Variants in CNTN5 observed in about 807,000 individuals in gnomAD.
CNTN5 encodes the protein contactin-5.
In CNTN5, 77 loss-of-function variants were observed where a neutral mutation model predicts 129.1. The observed-to-expected ratio is 0.60, with a 90% CI of 0.50 to 0.72. The LOEUF is 0.72. Among genes scored for constraint, CNTN5 ranks in the 30% least tolerant of loss-of-function variants. The pLI, the probability that CNTN5 is intolerant of heterozygous loss-of-function variation, is 0.00. For synonymous variants in CNTN5, 509 were observed against 465.6 expected (o/e 1.09, Z -1.20); for missense variants, 1,478 against 1,328.8 (o/e 1.11, Z -1.75).
At chr11:99,975,814 G>A (rs1043206341) in intron 8 of CNTN5, among the ~76,000 whole-genome samples, 6 of 151,950 alleles carry the variant, frequency 3.9e-5, no homozygotes, top group African/African-American at 7.3e-5. Context: ...ATTCTACCGC[G>A]GCCCCTCCCA....
At chr11:100,344,513 A>G (rs964145820) in intron 23 of CNTN5, among the ~76,000 whole-genome samples, 3 of 152,142 alleles carry the variant, frequency 2.0e-5, no homozygotes, top group Admixed American at 2.0e-4. Flanking sequence ...TGAGGAACAA[A>G]GAGAGCTTAA....
chr11:100,289,064 G>A (rs1205517633), intron 18 of CNTN5, among the ~76,000 whole-genome samples: 1 of 152,086 alleles, frequency 6.6e-6, no homozygotes, highest in Non-Finnish European at 1.5e-5. Context: ...GCCAGGGAGA[G>A]GTTGAATCTC....
intron 2 of CNTN5, among the ~76,000 whole-genome samples, chr11:99,379,549 A>C (rs1940398503): frequency 6.6e-6 from 1 of 152,210 alleles, no homozygotes; most frequent in African/African-American, 2.4e-5. Context: ...TGACCCAGAG[A>C]AAACACTAAC....
At chr11:99,534,449 A>G (rs1023719072) in intron 2 of CNTN5, among the ~76,000 whole-genome samples, 1 of 152,220 alleles carries the variant, frequency 6.6e-6, no homozygotes, top group Non-Finnish European at 1.5e-5. Context: ...AGCTCATAAC[A>G]TCTGATATAA....
At chr11:99,562,876 A>G (rs536698810) in intron 3 of CNTN5, among the ~76,000 whole-genome samples, 3 of 152,270 alleles carry the variant, frequency 2.0e-5, no homozygotes, top group South Asian at 2.1e-4. Flanking sequence ...AGATGTCTAC[A>G]ATACCCTTAG....
intron 15 of CNTN5, among the ~76,000 whole-genome samples, chr11:100,223,417 A>G (rs1050129490): frequency 6.6e-6 from 1 of 152,180 alleles, no homozygotes; most frequent in Admixed American, 6.5e-5. Context: ...TAAAAAGTTC[A>G]CAATGACTTT....
At chr11:99,708,557 T>C (rs552625665) in intron 3 of CNTN5, among the ~76,000 whole-genome samples, 1 of 151,868 alleles carries the variant, frequency 6.6e-6, no homozygotes, top group Non-Finnish European at 1.5e-5. Flanking sequence ...TCAAATTAGA[T>C]ATATGAAAAA....
At chr11:100,116,235 T>A (rs1945835744) in intron 13 of CNTN5, among the ~76,000 whole-genome samples, 2 of 152,060 alleles carry the variant, frequency 1.3e-5, no homozygotes, top group Non-Finnish European at 2.9e-5. Flanking sequence ...AATTCATCCA[T>A]AATTCACTCA....
chr11:99,174,704 A>C (rs1217975721), intron 1 of CNTN5, among the ~76,000 whole-genome samples: 2 of 152,108 alleles, frequency 1.3e-5, no homozygotes, highest in Admixed American at 6.5e-5. Context: ...GTTAGGCACT[A>C]TTATGCCCAT....
chr11:99,396,088 G>A (rs1219394419), intron 2 of CNTN5, among the ~76,000 whole-genome samples: 1 of 151,566 alleles, frequency 6.6e-6, no homozygotes, highest in East Asian at 1.9e-4. Flanking sequence ...AATATCAATG[G>A]TAGTTTAATA....
intron 1 of CNTN5, among the ~76,000 whole-genome samples, chr11:99,283,547 C>A (rs1366719289): frequency 2.0e-5 from 3 of 151,964 alleles, no homozygotes; most frequent in Non-Finnish European, 4.4e-5. Context: ...TTTGTCAAGC[C>A]TAAATTAAAT....
intron 17 of CNTN5, among the ~76,000 whole-genome samples, chr11:100,257,104 G>A (rs1329738155): frequency 6.6e-6 from 1 of 152,128 alleles, no homozygotes. Flanking sequence ...GGTCAGGGGA[G>A]GGGTGTCCAC....
At chr11:99,121,369 G>C (rs975324969) in intron 1 of CNTN5, among the ~76,000 whole-genome samples, 53 of 152,070 alleles carry the variant, frequency 3.5e-4, no homozygotes, top group Middle Eastern at 6.4e-3. Flanking sequence ...CTGACCTAAG[G>C]GGACCTGCCC....
chr11:99,488,296 C>G (rs951362200), intron 2 of CNTN5, among the ~76,000 whole-genome samples: 6 of 151,858 alleles, frequency 4.0e-5, no homozygotes, highest in African/African-American at 1.4e-4. Context: ...CCTCAGCCTC[C>G]TGAGTAGCTG....
intron 18 of CNTN5, among the ~76,000 whole-genome samples, chr11:100,286,902 A>C (rs1185321522): frequency 4.6e-5 from 7 of 152,056 alleles, no homozygotes; most frequent in Non-Finnish European, 7.4e-5. Context: ...AATACAGAGA[A>C]GTGCTTAAAG....
chr11:99,602,652 TAA>T (rs915573276), intron 3 of CNTN5, among the ~76,000 whole-genome samples: 10 of 144,420 alleles, frequency 6.9e-5, no homozygotes, highest in Non-Finnish European at 9.2e-5. Context: ...TTGTGCAATG[TAA>T]AAAAAAAAAA....
At chr11:100,288,448 A>C (rs927473424) in intron 18 of CNTN5, among the ~76,000 whole-genome samples, 2 of 152,252 alleles carry the variant, frequency 1.3e-5, no homozygotes, top group African/African-American at 4.8e-5. Context: ...ACTCAGGATT[A>C]AGAACCTCAC....
chr11:99,844,785 AAG>A lies in CNTN5; in HGVS notation c.278-65_278-64del. 3 of 1,488,088 alleles carry A rather than the reference AAG, an allele frequency of 2.0e-6. No homozygotes were observed. In the Admixed American group the frequency reaches 6.3e-5, roughly 31 times the overall value. 92.2% of individuals were successfully genotyped at this position (1,488,088 alleles called of 1,614,324 possible). On this transcript the variant is annotated intron_variant, in intron 4 of 24. Coordinates refer to ENST00000524871, the MANE Select transcript of CNTN5 (RefSeq NM_014361.4). ...AATTTTGAATATAAGTAAGATGGAAAAGAAAAAAACACAAAATATCTTGCTAG... is the reference window on the plus strand; with the variant it reads ...AATTTTGAATATAAGTAAGATGGAAAAAAAAAACACAAAATATCTTGCTAG...
intron 11 of CNTN5, among the ~76,000 whole-genome samples, chr11:100,071,044 A>G (rs554722582): frequency 1.3e-5 from 2 of 152,294 alleles, no homozygotes; most frequent in African/African-American, 4.8e-5. Flanking sequence ...TGGAGGTTTA[A>G]CAACATTTAA....
Sources: gnomAD v4.1 joint callset for allele counts (sites outside exome capture counted in the v4.1 genomes callset) on GRCh38, gnomAD v4.1.1 for gene constraint, MANE v1.5 for transcripts, NCBI Gene and HGNC (gene_info 2026-07-23, HGNC 2026-07-21) for gene names.